The following IL21 variants were observed in gnomAD, a reference collection of about 807,000 sequenced individuals.
IL21 encodes interleukin 21.
A neutral mutation model predicts 18.4 loss-of-function variants in IL21; 3 were observed. The ratio of observed to expected loss-of-function variants is 0.16; its 90% CI spans 0.07 to 0.42. The LOEUF (loss-of-function observed/expected upper bound fraction) is 0.42, where lower values mean the gene tolerates loss of function less well. Among genes scored for constraint, IL21 ranks in the 10% least tolerant of loss-of-function variants. IL21 has a pLI of 0.99. For synonymous variants in IL21, 37 were observed against 62.0 expected, an observed-to-expected ratio of 0.60 and a Z score of 1.90; for missense variants, 130 against 188.4, an observed-to-expected ratio of 0.69 and a Z score of 1.81.
Position 122,618,763 on chromosome 4 carries a change from A to G in IL21, c.204+1938T>C, listed in dbSNP as rs564179223. Among the ~76,000 whole-genome samples, 203 of 131,718 alleles carry G rather than the reference A, an allele frequency of 1.5e-3. 1 individual carries two copies. The highest frequency in any genetic ancestry group is 5.6e-3 in the African/African-American group (198 of 35,134). 86.4% of individuals were successfully genotyped at this position (131,718 alleles called of 152,430 possible). The stretch of plus-strand genomic sequence containing the variant: ...AGAGGTTGCAGTGAGCTGAGATCGC[A>G]CCACTGCACTCCAGCCTAGCAACAT... On this transcript the variant is annotated intron_variant, in intron 2 of 4. Transcript: ENST00000648588.
chr4:122,620,771 T>C (rs1292277752), intron 1 of IL21, 35 bp from the exon 2 acceptor site: 19 of 1,612,784 alleles, frequency 1.2e-5, no homozygotes, highest in Non-Finnish European at 1.5e-5. Context: ...GAGTTATTTT[T>C]ATAAGCCAAA....
Position 122,610,190 on chromosome 4 carries a change from ATAAT to A in IL21, c.*2516_*2519del, listed in dbSNP as rs562818028. Among the ~76,000 whole-genome samples, 105 of 152,296 alleles carry A rather than the reference ATAAT, an allele frequency of 6.9e-4. No homozygotes were observed. The highest frequency in any genetic ancestry group is 2.3e-3 in the African/African-American group (97 of 41,570). On this transcript the variant is annotated 3_prime_UTR_variant, in exon 5 of 5. Transcript: ENST00000648588. The stretch of plus-strand genomic sequence containing the variant: ...ACATTTAAAATCAAATATATAATAA[ATAAT>A]TATTAAGTTATAAACTACATAGTTC...
At chr4:122,616,877 C>G (rs1251101565) in intron 2 of IL21, among the ~76,000 whole-genome samples, 1 of 152,168 alleles carries the variant, frequency 6.6e-6, no homozygotes, top group Admixed American at 6.5e-5. Flanking sequence ...CCTGAAGTTG[C>G]TATATTTTCA....
rs755015397 is a variant in IL21, at chr4:122,612,948, T to C, written c.361-20A>G. On this transcript the variant is annotated intron_variant, in intron 3 of 4. Coordinates refer to ENST00000648588, the MANE Select transcript of IL21 (RefSeq NM_021803.4). ...GCATGTCTAGAAATCAATGAAAAAG[T>C]AACAGTCTTCTTTAAAATTTTTTTC... 2 of 1,460,980 alleles carry C rather than the reference T, an allele frequency of 1.4e-6. No individual in the cohort carries two copies. The highest frequency in any genetic ancestry group is 2.3e-5 in the East Asian group (1 of 43,712). 90.5% of individuals were successfully genotyped at this position (1,460,980 alleles called of 1,614,324 possible).
intron 1 of IL21, 30 bp downstream of exon 1, chr4:122,620,814 T>G (rs1799416307): frequency 1.9e-6 from 3 of 1,612,550 alleles, no homozygotes; most frequent in South Asian, 2.2e-5. Flanking sequence ...AAGTATGATT[T>G]AGATTTTGTT....
At chr4:122,614,357 A>AT (rs1799307927) in intron 3 of IL21, among the ~76,000 whole-genome samples, 1 of 152,174 alleles carries the variant, frequency 6.6e-6, no homozygotes, top group Admixed American at 6.5e-5. Context: ...TGATAATATA[A>AT]TTAAGATTTC....
chr4:122,620,588 G>T, intron 2 of IL21, 113 bp downstream of exon 2: 1 of 883,968 alleles, frequency 1.1e-6, no homozygotes, highest in South Asian at 1.8e-5. Context: ...TTATTAGACC[G>T]CTAAGTTCAT....
Position 122,612,709 on chromosome 4 carries a change from C to T in IL21, c.*1G>A. On this transcript the variant is annotated 3_prime_UTR_variant, in exon 5 of 5. Transcript: ENST00000648588. ...ATAGTGTCCAACTGCAAGTTAGATC[C>T]TCAGGAATCTTCACTTCCGTGTGTT... The T allele has an allele frequency of 6.2e-7, 1 of 1,605,004 alleles. No individual in the cohort carries two copies. Among genetic ancestry groups the T allele is most frequent in the East Asian group, 2.2e-5 (1 of 44,758 alleles).
At position 122,615,699 on chromosome 4, in the gene IL21, T is replaced by G; in HGVS notation, c.343A>C (p.Arg115=). 6.2e-7 allele frequency: 1 copy of G among 1,612,792 alleles called. No homozygotes were observed. Among genetic ancestry groups the G allele is most frequent in the African/African-American group, 1.3e-5 (1 of 74,956 alleles). ...RKPPSTNAGR[R]QKHRLTCPSC... is the part of the protein sequence containing the mutation. ...AATCTTACTAGTCTGTGTTTCTGTC[T>G]TCTCCCTGCATTTGTGGAAGGTGGT... The change falls in exon 3 of 5, where the codon AGA becomes CGA. Residue 115 remains arginine, a synonymous_variant. Transcript: ENST00000648588.
At position 122,612,936 on chromosome 4, in the gene IL21, T is replaced by C; in HGVS notation, c.361-8A>G. 1.9e-6 allele frequency: 3 copies of C among 1,544,188 alleles called. No homozygotes were observed. The highest frequency in any genetic ancestry group is 2.6e-6 in the Non-Finnish European group (3 of 1,137,900). On this transcript the variant is annotated splice_region_variant and splice_polypyrimidine_tract_variant and intron_variant, in intron 3 of 4. Transcript: ENST00000648588. ...ATCACATGAAGGGCATGTCTAGAAA[T>C]CAATGAAAAAGTAACAGTCTTCTTT...
intron 2 of IL21, 101 bp from the exon 3 acceptor site, chr4:122,615,938 C>T (rs1799331597): frequency 2.0e-6 from 2 of 986,878 alleles, no homozygotes; most frequent in African/African-American, 1.6e-5. Flanking sequence ...CAATGTCGTG[C>T]ATTACATCGT....
chr4:122,616,111 G>A (rs982895304), intron 2 of IL21, among the ~76,000 whole-genome samples: 7 of 152,220 alleles, frequency 4.6e-5, no homozygotes, highest in Non-Finnish European at 1.0e-4. Flanking sequence ...CTGGGTGGTG[G>A]ACAAGACCTT....
At chr4:122,615,573 G>A in intron 3 of IL21, 109 bp downstream of exon 3, 1 of 950,752 alleles carries the variant, frequency 1.1e-6, no homozygotes, top group Non-Finnish European at 1.6e-6. Context: ...ATAACTATAG[G>A]TAAGGAAGAC....
Position 122,619,772 on chromosome 4 carries a change from C to T in IL21, c.204+929G>A, listed in dbSNP as rs539109292. Among the ~76,000 whole-genome samples, 31 of 152,262 alleles carry T rather than the reference C, an allele frequency of 2.0e-4. No homozygotes were observed. The South Asian group carries it at 6.2e-3, about 31-fold the overall frequency. ...CTAGAGAGTGAATTTTAGAGAAAAG[C>T]AATAGTTGTGACTCATTCACTTTCT... On this transcript the variant is annotated intron_variant, in intron 2 of 4. Coordinates refer to ENST00000648588, the MANE Select transcript of IL21 (RefSeq NM_021803.4).
chr4:122,618,890 C>T (rs1404849109), intron 2 of IL21: 1 of 149,490 alleles, frequency 6.7e-6, no homozygotes, highest in Non-Finnish European at 1.5e-5. Context: ...AACGGTGATA[C>T]CACTGACATT....
intron 3 of IL21, 54 bp downstream of exon 3, chr4:122,615,628 C>T: frequency 1.3e-6 from 2 of 1,518,526 alleles, no homozygotes; most frequent in Non-Finnish European, 1.8e-6. Flanking sequence ...TTATGTAATG[C>T]AAGATATATA....
At chr4:122,613,380 CT>C (rs1466303962) in intron 3 of IL21, among the ~76,000 whole-genome samples, 1 of 111,546 alleles carries the variant, frequency 9.0e-6, no homozygotes, top group Non-Finnish European at 1.7e-5. Context: ...TGGAGACAGT[CT>C]TGCTGTGTCA....
At chr4:122,613,100 CAG>C (rs1799285216) in intron 3 of IL21, among the ~76,000 whole-genome samples, 172 bp from the exon 4 acceptor site, 1 of 151,956 alleles carries the variant, frequency 6.6e-6, no homozygotes, top group Admixed American at 6.6e-5. Flanking sequence ...ATCCCATTCC[CAG>C]AGATAGGAAT....
intron 2 of IL21, 145 bp downstream of exon 2, chr4:122,620,556 A>G: frequency 1.4e-6 from 1 of 710,616 alleles, no homozygotes; most frequent in East Asian, 2.8e-5. Context: ...TTTAACCAAA[A>G]TATAAATAAA....
Sources: gnomAD v4.1 joint callset for allele counts (sites outside exome capture counted in the v4.1 genomes callset) on GRCh38, gnomAD v4.1.1 for gene constraint, MANE v1.5 for transcripts, NCBI Gene and HGNC (gene_info 2026-07-23, HGNC 2026-07-21) for gene names.